Variants in EXT1 observed in about 807,000 individuals in gnomAD.
EXT1 encodes the protein exostosin glycosyltransferase 1, also known as exostosin-1.
EXT1 carries 20 observed loss-of-function variants against 82.5 expected under a neutral mutation model. The ratio of observed to expected loss-of-function variants is 0.24; its 90% CI spans 0.17 to 0.35. EXT1 has a LOEUF of 0.35. Among genes scored for constraint, EXT1 ranks in the 10% least tolerant of loss-of-function variants. The probability of loss-of-function intolerance (pLI) is 1.00; values close to 1 mark genes in which losing one functional copy is unlikely to be tolerated. For missense variants in EXT1, 757 were observed against 936.5 expected, an observed-to-expected ratio of 0.81 and a Z score of 2.50; for synonymous variants, 348 against 350.8, an observed-to-expected ratio of 0.99 and a Z score of 0.09.
chr8:118,000,777 T>A (rs577281043), intron 1 of EXT1, among the ~76,000 whole-genome samples: 1 of 151,300 alleles, frequency 6.6e-6, no homozygotes, highest in South Asian at 2.1e-4. Context: ...AATCATCACA[T>A]CATGGATGTC....
intron 1 of EXT1, among the ~76,000 whole-genome samples, chr8:117,889,149 A>G (rs1190171255): frequency 3.9e-5 from 6 of 152,122 alleles, no homozygotes; most frequent in Non-Finnish European, 8.8e-5. Flanking sequence ...AGCATGTAAG[A>G]TATGTGTTTA....
At chr8:118,053,880 A>G (rs1816755845) in intron 1 of EXT1, among the ~76,000 whole-genome samples, 1 of 152,140 alleles carries the variant, frequency 6.6e-6, no homozygotes, top group South Asian at 2.1e-4. Context: ...CTCCCTTCCA[A>G]CACTGAAATG....
chr8:117,861,488 C>CTTTTTTT (rs755653091), intron 1 of EXT1, among the ~76,000 whole-genome samples: 21 of 86,844 alleles, frequency 2.4e-4, no homozygotes, highest in Non-Finnish European at 3.9e-4. Context: ...AAGTTTTTAT[C>CTTTTTTT]TTTTTTTTTT....
intron 1 of EXT1, among the ~76,000 whole-genome samples, chr8:118,074,408 C>A (rs2129969911): frequency 6.6e-6 from 1 of 152,268 alleles, no homozygotes; most frequent in African/African-American, 2.4e-5. Context: ...CTATTGTGCT[C>A]CCGTGAAGTT....
rs556775629 is a variant in EXT1, at chr8:117,948,022, T to TCCCC, written c.963-110825_963-110822dup. Reference sequence around the variant, plus strand: ...CAGTGATGAATGAGGAAATACCTGCTCCCCGTCTCTGTAATCAGTCCATCA... The same window carrying TCCCC: ...CAGTGATGAATGAGGAAATACCTGCTCCCCCCCCGTCTCTGTAATCAGTCCATCA... On this transcript the variant is annotated intron_variant, in intron 1 of 10. Coordinates refer to ENST00000378204, the MANE Select transcript of EXT1 (RefSeq NM_000127.3). Among the ~76,000 whole-genome samples, 199 of 152,198 alleles carry TCCCC rather than the reference T, an allele frequency of 1.3e-3. 1 individual carries two copies. Among genetic ancestry groups the TCCCC allele is most frequent in the African/African-American group, 4.3e-3 (180 of 41,552 alleles).
At chr8:117,866,226 A>T (rs1812772132) in intron 1 of EXT1, among the ~76,000 whole-genome samples, 1 of 152,222 alleles carries the variant, frequency 6.6e-6, no homozygotes, top group South Asian at 2.1e-4. Context: ...CTCAGTCTCA[A>T]ACAAAGAAGT....
intron 1 of EXT1, among the ~76,000 whole-genome samples, chr8:117,985,030 G>A (rs1815289150): frequency 6.6e-6 from 1 of 152,146 alleles, no homozygotes; most frequent in Non-Finnish European, 1.5e-5. Flanking sequence ...CTGCTTAAGA[G>A]GTCTTTCAGA....
intron 1 of EXT1, among the ~76,000 whole-genome samples, chr8:117,931,450 G>T (rs1814060372): frequency 6.6e-6 from 1 of 151,590 alleles, no homozygotes. Context: ...TATATATTTT[G>T]TGTGGGGCGG....
intron 10 of EXT1, 87 bp from the exon 11 acceptor site, chr8:117,799,984 A>G: frequency 7.1e-7 from 1 of 1,406,932 alleles, no homozygotes; most frequent in Non-Finnish European, 9.9e-7. Context: ...CAGGCAAATG[A>G]GCAAGCAGCA....
At chr8:117,924,340 C>T (rs1297250773) in intron 1 of EXT1, among the ~76,000 whole-genome samples, 1 of 152,216 alleles carries the variant, frequency 6.6e-6, no homozygotes, top group Non-Finnish European at 1.5e-5. Flanking sequence ...CAGCTACCCT[C>T]CAGAGTAGTA....
At chr8:117,938,423 T>C (rs541870652) in intron 1 of EXT1, among the ~76,000 whole-genome samples, 1 of 152,102 alleles carries the variant, frequency 6.6e-6, no homozygotes, top group East Asian at 1.9e-4. Flanking sequence ...GATCACACCA[T>C]TGCACTCCAG....
chr8:117,800,457 C>T (rs1217348047), intron 10 of EXT1, among the ~76,000 whole-genome samples: 1 of 152,132 alleles, frequency 6.6e-6, no homozygotes, highest in African/African-American at 2.4e-5. Context: ...CAAAATAGTG[C>T]CTTTTACATG....
intron 1 of EXT1, among the ~76,000 whole-genome samples, chr8:117,888,018 G>A (rs1275079746): frequency 6.6e-6 from 1 of 151,824 alleles, no homozygotes; most frequent in Non-Finnish European, 1.5e-5. Flanking sequence ...CCAGGTGGTG[G>A]AGGTTGCGGT....
chr8:117,826,592 T>C (rs1812011162), intron 4 of EXT1, among the ~76,000 whole-genome samples: 1 of 152,244 alleles, frequency 6.6e-6, no homozygotes, highest in Non-Finnish European at 1.5e-5. Context: ...CATTTTCTTC[T>C]ATTTCCCCTG....
chr8:117,862,309 G>A (rs1417896428), intron 1 of EXT1, among the ~76,000 whole-genome samples: 1 of 145,774 alleles, frequency 6.9e-6, no homozygotes, highest in Non-Finnish European at 1.5e-5. Flanking sequence ...CCTGCTTCCT[G>A]CTCTATAGCC....
At chr8:117,887,334 T>C (rs1362812246) in intron 1 of EXT1, among the ~76,000 whole-genome samples, 1 of 152,144 alleles carries the variant, frequency 6.6e-6, no homozygotes, top group East Asian at 1.9e-4. Flanking sequence ...CAAAACATGT[T>C]TCCAGGAACA....
intron 1 of EXT1, among the ~76,000 whole-genome samples, chr8:117,995,081 T>C (rs1264507912): frequency 6.6e-6 from 1 of 152,232 alleles, no homozygotes; most frequent in African/African-American, 2.4e-5. Context: ...GTTCTCACCA[T>C]CAATTCTGCC....
intron 1 of EXT1, among the ~76,000 whole-genome samples, chr8:118,036,523 G>C (rs899953737): frequency 2.0e-5 from 3 of 152,098 alleles, no homozygotes; most frequent in Non-Finnish European, 4.4e-5. Context: ...TTCCAGTTTA[G>C]TCACAAACCC....
intron 1 of EXT1, among the ~76,000 whole-genome samples, chr8:118,035,057 T>G (rs1218080269): frequency 6.6e-6 from 1 of 152,054 alleles, no homozygotes; most frequent in East Asian, 1.9e-4. Context: ...TAAAACAGAG[T>G]GTTGCAAAAG....
Sources: gnomAD v4.1 joint callset for allele counts (sites outside exome capture counted in the v4.1 genomes callset) on GRCh38, gnomAD v4.1.1 for gene constraint, MANE v1.5 for transcripts, NCBI Gene and HGNC (gene_info 2026-07-23, HGNC 2026-07-21) for gene names.